Variants in NAALADL2 observed in about 807,000 individuals in gnomAD.
NAALADL2 encodes inactive N-acetylated-alpha-linked acidic dipeptidase-like protein 2.
In NAALADL2, 76 loss-of-function variants were observed where a neutral mutation model predicts 87.2. The ratio of observed to expected loss-of-function variants is 0.87; its 90% CI spans 0.72 to 1.05. The LOEUF is 1.05. Ranked by LOEUF, NAALADL2 falls within the 50% of genes least tolerant of loss-of-function variation. NAALADL2 has a pLI of 0.00. For synonymous variants in NAALADL2, 354 were observed against 331.0 expected, an observed-to-expected ratio of 1.07 and a Z score of -0.75; for missense variants, 1,089 against 945.8, an observed-to-expected ratio of 1.15 and a Z score of -1.99.
chr3:175,396,790 TA>T (rs1052243973), intron 5 of NAALADL2, among the ~76,000 whole-genome samples: 1 of 152,208 alleles, frequency 6.6e-6, no homozygotes, highest in Admixed American at 6.5e-5. Context: ...AATGGTTTTA[TA>T]AGGAGCTTCC....
chr3:174,802,697 T>C (rs1718984265), intron 3 of NAALADL2, among the ~76,000 whole-genome samples: 1 of 152,218 alleles, frequency 6.6e-6, no homozygotes, highest in South Asian at 2.1e-4. Context: ...GTGTTCCTGT[T>C]GTTCAACTCC....
At chr3:175,314,880 C>G (rs1758938895) in intron 4 of NAALADL2, among the ~76,000 whole-genome samples, 1 of 151,094 alleles carries the variant, frequency 6.6e-6, no homozygotes, top group South Asian at 2.1e-4. Flanking sequence ...TATTCATCAA[C>G]TCGACAACAA....
upstream of NAALADL2, among the ~76,000 whole-genome samples, chr3:174,855,817 C>T (rs1725782650): frequency 8.7e-6 from 1 of 114,354 alleles, no homozygotes; most frequent in African/African-American, 3.5e-5. Flanking sequence ...CACACACACA[C>T]ACATGTATAT....
intron 1 of NAALADL2, among the ~76,000 whole-genome samples, chr3:174,901,721 G>T (rs909980661): frequency 6.6e-6 from 1 of 152,156 alleles, no homozygotes; most frequent in East Asian, 1.9e-4. Context: ...AATACTGGAG[G>T]TTATGGATGG....
intron 5 of NAALADL2, among the ~76,000 whole-genome samples, chr3:175,390,487 G>C (rs969539434): frequency 7.9e-5 from 12 of 152,160 alleles, no homozygotes; most frequent in Non-Finnish European, 1.2e-4. Flanking sequence ...AAAACACTAG[G>C]ATGCGGCCAG....
intron 1 of NAALADL2, among the ~76,000 whole-genome samples, chr3:174,500,641 C>T (rs76125214): frequency 0.057 from 8,742 of 152,056 alleles, 365 homozygotes; most frequent in South Asian, 0.12. Flanking sequence ...TATTCCTATC[C>T]TTCTATTCCT....
intron 11 of NAALADL2, among the ~76,000 whole-genome samples, chr3:175,668,776 C>T (rs776206263): frequency 3.3e-5 from 5 of 151,940 alleles, no homozygotes; most frequent in Non-Finnish European, 7.4e-5. Flanking sequence ...CTCAGTTTTC[C>T]GTGCGATATA....
chr3:174,782,445 C>T (rs891118791), intron 3 of NAALADL2, among the ~76,000 whole-genome samples: 3 of 149,966 alleles, frequency 2.0e-5, no homozygotes, highest in Non-Finnish European at 4.5e-5. Flanking sequence ...TTTGCCTTAA[C>T]ACAAATGATA....
intron 9 of NAALADL2, among the ~76,000 whole-genome samples, chr3:175,478,794 A>G (rs1470635419): frequency 4.6e-5 from 7 of 151,896 alleles, no homozygotes; most frequent in African/African-American, 1.7e-4. Flanking sequence ...GGGAGGTTAG[A>G]TAAAATTCTG....
intron 11 of NAALADL2, among the ~76,000 whole-genome samples, chr3:175,723,538 C>G (rs1018053498): frequency 1.3e-5 from 2 of 152,106 alleles, no homozygotes; most frequent in African/African-American, 4.8e-5. Context: ...TTTCTATCTT[C>G]ACTTGTCCAG....
At chr3:175,621,251 C>T (rs533433076) in intron 10 of NAALADL2, among the ~76,000 whole-genome samples, 15 of 152,304 alleles carry the variant, frequency 9.8e-5, no homozygotes, top group Non-Finnish European at 2.2e-4. Flanking sequence ...GTCACCATCA[C>T]CCATTCCCCC....
At chr3:175,079,970 C>CTTTT (rs754948428) in intron 1 of NAALADL2, among the ~76,000 whole-genome samples, 17 of 144,296 alleles carry the variant, frequency 1.2e-4, no homozygotes, top group African/African-American at 4.1e-4. Context: ...GAAATATAGA[C>CTTTT]TTTTTTTTTT....
At chr3:175,092,691 T>G (rs2108332908) in intron 1 of NAALADL2, among the ~76,000 whole-genome samples, 1 of 152,008 alleles carries the variant, frequency 6.6e-6, no homozygotes. Flanking sequence ...ATTATTAATC[T>G]AAGTCTGTCA....
chr3:174,529,574 A>G (rs1296242532), intron 1 of NAALADL2, among the ~76,000 whole-genome samples: 1 of 152,180 alleles, frequency 6.6e-6, no homozygotes, highest in African/African-American at 2.4e-5. Context: ...GAGGTTCTCC[A>G]TGAGAGCCCT....
chr3:174,738,582 G>A (rs1197545521), intron 3 of NAALADL2, among the ~76,000 whole-genome samples: 1 of 152,124 alleles, frequency 6.6e-6, no homozygotes, highest in African/African-American at 2.4e-5. Flanking sequence ...TAAGATTCAA[G>A]TGTTTTAAAA....
intron 1 of NAALADL2, among the ~76,000 whole-genome samples, chr3:174,456,667 G>A (rs569251923): frequency 1.3e-5 from 2 of 152,112 alleles, no homozygotes; most frequent in African/African-American, 4.8e-5. Flanking sequence ...GTAGCCATAT[G>A]CATAAGATTG....
chr3:174,931,309 G>A (rs1054423274), intron 1 of NAALADL2, among the ~76,000 whole-genome samples: 2 of 152,262 alleles, frequency 1.3e-5, no homozygotes, highest in African/African-American at 4.8e-5. Flanking sequence ...CAGGTACCTG[G>A]TTTGGATTTC....
intron 2 of NAALADL2, chr3:175,218,052 GT>G (rs11395569): frequency 6.9e-4 from 280 of 404,198 alleles, no homozygotes; most frequent in South Asian, 1.0e-3. Context: ...GAATTTCAAT[GT>G]TTTTTTTTGG....
chr3:174,599,936 TAAGGA>T (rs1394079061), intron 2 of NAALADL2, among the ~76,000 whole-genome samples: 1 of 152,038 alleles, frequency 6.6e-6, no homozygotes, highest in African/African-American at 2.4e-5. Context: ...AGAAGACAAA[TAAGGA>T]AAGAAATGTT....
Sources: allele counts gnomAD v4.1 joint callset (sites outside exome capture counted in the v4.1 genomes callset), GRCh38; gene constraint gnomAD v4.1.1; transcripts MANE v1.5; gene names NCBI Gene and HGNC (gene_info 2026-07-23, HGNC 2026-07-21).